Variants in MEIOB observed in about 807,000 individuals in gnomAD.
MEIOB encodes the protein meiosis specific with OB-fold, also known as meiosis-specific with OB domain-containing protein.
MEIOB carries 50 observed loss-of-function variants against 53.1 expected under a neutral mutation model. The observed-to-expected ratio is 0.94, with a 90% confidence interval of 0.75 to 1.19. MEIOB has a LOEUF of 1.19. MEIOB is among the 50% of genes most tolerant of loss of function. The pLI is 0.00. For missense variants in MEIOB, 551 were observed against 550.8 expected (o/e 1.00, Z 0.00); for synonymous variants, 192 against 182.5 (o/e 1.05, Z -0.42).
At chr16:1,869,842 C>G (rs988585678) in intron 1 of MEIOB, among the ~76,000 whole-genome samples, 4 of 150,740 alleles carry the variant, frequency 2.7e-5, no homozygotes, top group Non-Finnish European at 5.9e-5. Flanking sequence ...TCATATTGAG[C>G]ATTTGATTAT....
rs117951747 is a variant in MEIOB, at chr16:1,856,992, G to A, written c.528+743C>T. Among the ~76,000 whole-genome samples, 421 of 152,080 alleles carry A rather than the reference G, an allele frequency of 2.8e-3. 14 individuals are homozygous for A. The East Asian group carries it at 0.074, about 27-fold the overall frequency. On this transcript the variant is annotated intron_variant, in intron 6 of 13. Transcript: ENST00000325962. Reference sequence around the variant, plus strand: ...TTGCCCCAGGCTGGTCTTGAACTGGGCTCAAGTGATCCCTCTGCCTTGGTC... The same window carrying A: ...TTGCCCCAGGCTGGTCTTGAACTGGACTCAAGTGATCCCTCTGCCTTGGTC...
chr16:1,843,902 T>C (rs1898970968), intron 10 of MEIOB, among the ~76,000 whole-genome samples: 1 of 152,096 alleles, frequency 6.6e-6, no homozygotes, highest in Non-Finnish European at 1.5e-5. Flanking sequence ...TATGAGAACT[T>C]ATCCGGTTCC....
chr16:1,840,699 C>T (rs1443653321), intron 11 of MEIOB, among the ~76,000 whole-genome samples: 1 of 152,142 alleles, frequency 6.6e-6, no homozygotes, highest in Non-Finnish European at 1.5e-5. Context: ...CAGGCGCCCA[C>T]CACCATGCCC....
intron 3 of MEIOB, among the ~76,000 whole-genome samples, chr16:1,863,967 C>A (rs1899522239): frequency 6.6e-6 from 1 of 151,982 alleles, no homozygotes; most frequent in Non-Finnish European, 1.5e-5. Context: ...CGAGACTGGG[C>A]AACAAAGTGA....
Position 1,862,036 on chromosome 16 carries a change from T to C in MEIOB, c.208A>G (p.Asn70Asp). Residue 70 changes from asparagine (N) to aspartate (D), a missense_variant, in exon 4 of 14, where the codon AAT becomes GAT. Asn to Asp is a conservative substitution (Grantham distance 23). Coordinates refer to ENST00000325962, the MANE Select transcript of MEIOB (RefSeq NM_001163560.3). ...AHFVNAASWG[N>D]EDYIKSLSDS... ...GAAAGAGACTTGATGTAATCTTCAT[T>C]GCCCCAGGAAGCTGCATTTACAAAA... 1 of 1,551,510 alleles carries C rather than the reference T, an allele frequency of 6.4e-7. No individual in the cohort carries two copies. Among genetic ancestry groups the C allele is most frequent in the Non-Finnish European group, 8.7e-7 (1 of 1,146,856 alleles).
rs1381626560 is a variant in MEIOB at position 1,852,300 on chromosome 16, G to T, written c.778+739C>A. On this transcript the variant is annotated intron_variant, in intron 9 of 13. Coordinates refer to ENST00000325962, the MANE Select transcript of MEIOB (RefSeq NM_001163560.3). ...TTTTTTTGAGACGGAGTCTCGCTCT[G>T]TCGCCAGGCTGGAGCGCAGTGGTGC... 3.4e-5 allele frequency among the ~76,000 whole-genome samples: 4 copies of T among 117,240 alleles called. 1 individual carries two copies. The highest frequency in any genetic ancestry group is 2.6e-4 in the East Asian group (1 of 3,814). 76.9% of individuals were successfully genotyped at this position (117,240 alleles called of 152,430 possible). A position where few individuals can be genotyped will look rare whatever the true frequency, so the allele number is the denominator to read the frequency against.
At chr16:1,856,943 T>C (rs1899323800) in intron 6 of MEIOB, among the ~76,000 whole-genome samples, 1 of 123,336 alleles carries the variant, frequency 8.1e-6, no homozygotes, top group African/African-American at 3.1e-5. Context: ...TTTGTATTTT[T>C]TGTAGAGATG....
At chr16:1,870,883 A>G (rs931281023) in intron 1 of MEIOB, among the ~76,000 whole-genome samples, 30 of 152,174 alleles carry the variant, frequency 2.0e-4, no homozygotes, top group African/African-American at 7.0e-4. Context: ...AAAGTGCCAG[A>G]CATGTGAGTC....
chr16:1,834,465 G>C, intron 13 of MEIOB, 99 bp from the exon 14 acceptor site: 1 of 643,308 alleles, frequency 1.6e-6, no homozygotes. Context: ...GAACTGCAAT[G>C]AAAGTTTTGT....
Position 1,867,175 on chromosome 16 carries a change from G to T in MEIOB, c.69+932C>A, listed in dbSNP as rs115192623. 6.2e-3 allele frequency among the ~76,000 whole-genome samples: 951 copies of T among 152,200 alleles called. 13 individuals are homozygous for T. The highest frequency in any genetic ancestry group is 0.022 in the African/African-American group (930 of 41,522). Reference sequence around the variant, plus strand: ...AAAAGCAAAATATAAATAGCAGAGTGCTCAGGGGCAGGGAAGGTAAGGGTG... The same window carrying T: ...AAAAGCAAAATATAAATAGCAGAGTTCTCAGGGGCAGGGAAGGTAAGGGTG... On this transcript the variant is annotated intron_variant, in intron 2 of 13. Transcript: ENST00000325962.
chr16:1,867,996 CT>C, intron 2 of MEIOB, 110 bp downstream of exon 2: 1 of 607,662 alleles, frequency 1.6e-6, no homozygotes, highest in Non-Finnish European at 3.0e-6. Context: ...CAATGAGTAT[CT>C]ATATACTTGC....
intron 10 of MEIOB, among the ~76,000 whole-genome samples, chr16:1,842,686 CAG>C (rs1898942851): frequency 7.0e-6 from 1 of 142,280 alleles, no homozygotes; most frequent in Admixed American, 7.0e-5. Context: ...TTTTTTGAGA[CAG>C]AGTCTCACTC....
intron 1 of MEIOB, among the ~76,000 whole-genome samples, chr16:1,869,012 T>C (rs898520296): frequency 1.3e-5 from 2 of 152,208 alleles, no homozygotes; most frequent in African/African-American, 2.4e-5. Context: ...TTTTGAATGA[T>C]ATAGCTATTA....
intron 6 of MEIOB, 21 bp from the exon 7 acceptor site, chr16:1,854,221 A>G: frequency 7.2e-7 from 1 of 1,386,266 alleles, no homozygotes; most frequent in Non-Finnish European, 1.0e-6. Flanking sequence ...GAAATAAATC[A>G]TTACTCTTCA....
chr16:1,856,322 ATTTTTT>A (rs35565179), intron 6 of MEIOB, among the ~76,000 whole-genome samples: 1 of 147,270 alleles, frequency 6.8e-6, no homozygotes, highest in Non-Finnish European at 1.5e-5. Flanking sequence ...TGCCCAGCTA[ATTTTTT>A]TTTTTTTTTG....
intron 10 of MEIOB, 91 bp downstream of exon 10, chr16:1,844,771 G>A: frequency 1.6e-6 from 1 of 635,142 alleles, no homozygotes; most frequent in East Asian, 2.9e-5. Context: ...TACAGAATAG[G>A]AATCTGGTAT....
At chr16:1,837,953 T>C (rs1898793195) in intron 12 of MEIOB, 83 bp from the exon 13 acceptor site, 3 of 1,449,552 alleles carry the variant, frequency 2.1e-6, no homozygotes, top group Non-Finnish European at 1.8e-6. Flanking sequence ...AAACAAACTT[T>C]CTCATTAGAA....
intron 3 of MEIOB, among the ~76,000 whole-genome samples, chr16:1,862,834 C>T (rs1003262037): frequency 3.9e-5 from 6 of 151,952 alleles, no homozygotes; most frequent in African/African-American, 1.2e-4. Flanking sequence ...AGGAGAATCG[C>T]TTGAACCCAG....
intron 1 of MEIOB, among the ~76,000 whole-genome samples, chr16:1,868,637 C>G (rs1217243243): frequency 6.6e-6 from 1 of 152,100 alleles, no homozygotes; most frequent in Non-Finnish European, 1.5e-5. Flanking sequence ...GGGCGGATCA[C>G]AGGGTCAGGA....
Sources: gnomAD v4.1 joint callset for allele counts (sites outside exome capture counted in the v4.1 genomes callset) on GRCh38, gnomAD v4.1.1 for gene constraint, MANE v1.5 for transcripts, NCBI Gene and HGNC (gene_info 2026-07-23, HGNC 2026-07-21) for gene names.